USP37: variants seen among roughly 807,000 people sequenced by gnomAD.
The protein encoded by USP37 is ubiquitin carboxyl-terminal hydrolase 37.
Under a neutral mutation model 124.0 loss-of-function variants are expected in USP37, and 27 were observed. That is an observed-to-expected ratio of 0.22 (90% CI 0.16 to 0.30). USP37 has a LOEUF of 0.30. Ranked by LOEUF, USP37 falls within the 10% of genes least tolerant of loss-of-function variation. The pLI, the probability that USP37 is intolerant of heterozygous loss-of-function variation, is 1.00. For missense variants in USP37, 889 were observed against 1,140.4 expected (o/e 0.78, Z 3.17); for synonymous variants, 365 against 388.0 (o/e 0.94, Z 0.70).
intron 1 of USP37, among the ~76,000 whole-genome samples, chr2:218,566,313 A>T (rs541220678): frequency 6.6e-6 from 1 of 152,346 alleles, no homozygotes; most frequent in East Asian, 1.9e-4. Context: ...CAATGTGGCT[A>T]CAGTTTAGTG....
intron 18 of USP37, among the ~76,000 whole-genome samples, chr2:218,478,653 G>T (rs1691097889): frequency 6.6e-6 from 1 of 152,084 alleles, no homozygotes; most frequent in South Asian, 2.1e-4. Context: ...ACAGTGACTT[G>T]GTACATAGAG....
At chr2:218,563,558 T>C (rs1693425929) in intron 1 of USP37, among the ~76,000 whole-genome samples, 1 of 152,234 alleles carries the variant, frequency 6.6e-6, no homozygotes, top group Non-Finnish European at 1.5e-5. Flanking sequence ...AAGCTAACAT[T>C]GTTTCTCAAA....
chr2:218,487,269 T>C (rs1453619735), intron 15 of USP37, among the ~76,000 whole-genome samples: 3 of 152,184 alleles, frequency 2.0e-5, no homozygotes, highest in East Asian at 1.9e-4. Flanking sequence ...CTGTTTCTAA[T>C]AGGGTACGTA....
chr2:218,509,582 T>TA (rs963919220), intron 11 of USP37, among the ~76,000 whole-genome samples: 8 of 149,854 alleles, frequency 5.3e-5, no homozygotes, highest in East Asian at 3.9e-4. Flanking sequence ...CCATTTCTAT[T>TA]AAAAAAAAAA....
At chr2:218,482,614 A>C (rs1691323171) in intron 16 of USP37, among the ~76,000 whole-genome samples, 1 of 152,252 alleles carries the variant, frequency 6.6e-6, no homozygotes. Context: ...CTAGTAAAAT[A>C]ATGTCTATTA....
intron 17 of USP37, 106 bp from the exon 18 acceptor site, chr2:218,479,821 T>C (rs1691153154): frequency 3.2e-6 from 2 of 616,414 alleles, no homozygotes; most frequent in Non-Finnish European, 4.5e-6. Flanking sequence ...TTATGTCCTC[T>C]TGAAAATTGA....
At chr2:218,527,812 C>T (rs1691067353) in intron 10 of USP37, among the ~76,000 whole-genome samples, 1 of 152,152 alleles carries the variant, frequency 6.6e-6, no homozygotes, top group African/African-American at 2.4e-5. Context: ...CCACCCAAGG[C>T]TGAATATACC....
rs901581231 is a variant in USP37, at chr2:218,556,516, T to G, written c.156+1982A>C. Among the ~76,000 whole-genome samples the G allele has an allele frequency of 6.1e-3, 828 of 135,790 alleles. 11 individuals carry two copies. Among genetic ancestry groups the G allele is most frequent in the African/African-American group, 0.022 (789 of 36,372 alleles). 89.1% of individuals were successfully genotyped at this position (135,790 alleles called of 152,430 possible). On this transcript the variant is annotated intron_variant, in intron 4 of 25. Coordinates refer to ENST00000258399, the MANE Select transcript of USP37 (RefSeq NM_020935.3). ...CTGGGTTTTTCTGTTTTTTTTTTTT[T>G]TTTTTTTTTTTTTTGAGATGGAGTT...
At chr2:218,524,430 G>A (rs1005495187) in intron 10 of USP37, among the ~76,000 whole-genome samples, 9 of 152,084 alleles carry the variant, frequency 5.9e-5, no homozygotes, top group Admixed American at 2.6e-4. Flanking sequence ...ATATGTCTAT[G>A]TAATTGCAGC....
chr2:218,521,152 A>C (rs980071911), intron 10 of USP37, among the ~76,000 whole-genome samples: 1 of 152,136 alleles, frequency 6.6e-6, no homozygotes, highest in Non-Finnish European at 1.5e-5. Context: ...GGCCTCCCCA[A>C]AAGCTGACGC....
chr2:218,510,574 T>G (rs1365879701), intron 10 of USP37, among the ~76,000 whole-genome samples: 1 of 152,210 alleles, frequency 6.6e-6, no homozygotes, highest in African/African-American at 2.4e-5. Context: ...TGGAGGTATT[T>G]TCAATCTTCA....
chr2:218,525,370 C>T (rs918335347), intron 10 of USP37, among the ~76,000 whole-genome samples: 4 of 152,032 alleles, frequency 2.6e-5, no homozygotes, highest in Non-Finnish European at 2.9e-5. Flanking sequence ...GTAGTCCCAG[C>T]TACTGGGGGG....
At chr2:218,472,019 G>A (rs1166656211) in intron 20 of USP37, among the ~76,000 whole-genome samples, 1 of 140,794 alleles carries the variant, frequency 7.1e-6, no homozygotes, top group Non-Finnish European at 1.5e-5. Flanking sequence ...GACAGAGAGA[G>A]ACTTGGTCCG....
In USP37 at chr2:218,454,675, A is replaced by T; in HGVS notation, c.*255T>A. ...ACATACACAGATATATATTTACAAC[A>T]TGTATTCCTAAGACAAAAGAAGTGC... On this transcript the variant is annotated 3_prime_UTR_variant, in exon 26 of 26. Coordinates refer to ENST00000258399, the MANE Select transcript of USP37 (RefSeq NM_020935.3). 2 of 517,788 alleles carry T rather than the reference A, an allele frequency of 3.9e-6. No individual in the cohort carries two copies. Among genetic ancestry groups the T allele is most frequent in the Non-Finnish European group, 6.6e-6 (2 of 304,472 alleles). The allele number at this position is 517,788 out of a possible 1,614,324, so 32.1% of individuals were successfully genotyped here. A position where few individuals can be genotyped will look rare whatever the true frequency, so the allele number is the denominator to read the frequency against.
chr2:218,544,424 T>TAGAGAGAGAGAGAG (rs763870747), intron 8 of USP37, among the ~76,000 whole-genome samples: 10 of 57,198 alleles, frequency 1.7e-4, no homozygotes, highest in East Asian at 1.4e-3. Flanking sequence ...TATATATATA[T>TAGAGAGAGAGAGAG]ATATATAGAG....
intron 8 of USP37, among the ~76,000 whole-genome samples, chr2:218,544,722 G>A (rs753762205): frequency 5.3e-5 from 8 of 152,050 alleles, no homozygotes; most frequent in African/African-American, 9.7e-5. Flanking sequence ...TTATTCCAAC[G>A]CCTTCACTGT....
At chr2:218,455,156 G>T in intron 25 of USP37, 139 bp from the exon 26 acceptor site, 2 of 1,056,722 alleles carry the variant, frequency 1.9e-6, no homozygotes, top group Non-Finnish European at 2.7e-6. Context: ...TATTTAAAAA[G>T]CAGCTCACTC....
intron 10 of USP37, among the ~76,000 whole-genome samples, chr2:218,526,784 G>A (rs371771579): frequency 1.8e-5 from 1 of 54,188 alleles, no homozygotes; most frequent in Non-Finnish European, 3.5e-5. Context: ...CATTTCATTT[G>A]CTTTTTTTTT....
rs71403040 is a variant in USP37 at position 218,454,613 on chromosome 2, C to CGT, written c.*315_*316dup. 8,405 of 223,194 alleles carry CGT rather than the reference C, an allele frequency of 0.038. 199 individuals are homozygous for CGT. Among genetic ancestry groups the CGT allele is most frequent in the East Asian group, 0.094 (857 of 9,120 alleles). 13.8% of individuals were successfully genotyped at this position (223,194 alleles called of 1,614,324 possible). ...TAACTCTTTAAGGCTCCATTCATCC[C>CGT]GTGTGTGTGTGTGTGTGTCTGTGTG... On this transcript the variant is annotated 3_prime_UTR_variant, in exon 26 of 26. Coordinates refer to ENST00000258399, the MANE Select transcript of USP37 (RefSeq NM_020935.3).
Sources: gnomAD v4.1 joint callset for allele counts (sites outside exome capture counted in the v4.1 genomes callset) on GRCh38, gnomAD v4.1.1 for gene constraint, MANE v1.5 for transcripts, NCBI Gene and HGNC (gene_info 2026-07-23, HGNC 2026-07-21) for gene names.